Variants in CD164 observed in about 807,000 individuals in gnomAD.
CD164 encodes the protein sialomucin core protein 24.
A neutral mutation model predicts 24.6 loss-of-function variants in CD164; 11 were observed. That is an observed-to-expected ratio of 0.45 (90% CI 0.28 to 0.74). The LOEUF is 0.74. Among genes scored for constraint, CD164 ranks in the 30% least tolerant of loss-of-function variants. The pLI, the probability that CD164 is intolerant of heterozygous loss-of-function variation, is 0.13. For missense variants in CD164, 295 were observed against 243.7 expected (o/e 1.21, Z -1.40); for synonymous variants, 126 against 100.3 (o/e 1.26, Z -1.53).
chr6:109,381,821 C>G (rs1231220103), intron 1 of CD164: 38 of 554,150 alleles, frequency 6.9e-5, no homozygotes, highest in Non-Finnish European at 1.1e-4. Flanking sequence ...CACCGCCAAC[C>G]TCAGAGGCGC....
chr6:109,377,660 A>G (rs2115164077), intron 3 of CD164, among the ~76,000 whole-genome samples: 1 of 148,514 alleles, frequency 6.7e-6, no homozygotes, highest in Non-Finnish European at 1.5e-5. Context: ...AAAAAAAAAA[A>G]GTGTGGGGGC....
At chr6:109,379,756 A>C in intron 1 of CD164, 94 bp from the exon 2 acceptor site, 2 of 858,226 alleles carry the variant, frequency 2.3e-6, no homozygotes, top group South Asian at 1.6e-5. Context: ...AATAAGCATT[A>C]CATACAGCAT....
chr6:109,373,548 A>AC (rs1347707582), intron 4 of CD164, among the ~76,000 whole-genome samples: 1 of 152,190 alleles, frequency 6.6e-6, no homozygotes, highest in African/African-American at 2.4e-5. Context: ...ATGGCAATTC[A>AC]CAGGAGGACC....
chr6:109,379,500 C>G (rs1771611017), intron 2 of CD164, 79 bp downstream of exon 2: 8 of 1,054,776 alleles, frequency 7.6e-6, no homozygotes, highest in Non-Finnish European at 1.1e-5. Flanking sequence ...AAATGTCCTA[C>G]ATAACTTTCA....
At chr6:109,376,012 A>G (rs1348604248) in intron 4 of CD164, 62 bp downstream of exon 4, 8 of 1,218,340 alleles carry the variant, frequency 6.6e-6, no homozygotes, top group Non-Finnish European at 9.3e-6. Context: ...ATTTAAAACT[A>G]ATCCATCAAG....
intron 3 of CD164, among the ~76,000 whole-genome samples, chr6:109,377,579 G>A (rs1019363414): frequency 1.3e-5 from 2 of 151,440 alleles, no homozygotes; most frequent in Non-Finnish European, 2.9e-5. Context: ...GTGCCAGAAT[G>A]AGGTTTCCCA....
At chr6:109,372,315 A>G (rs1771125195) in intron 4 of CD164, 1 of 152,196 alleles carries the variant, frequency 6.6e-6, no homozygotes, top group Non-Finnish European at 1.5e-5. Context: ...TGCTAAAAGT[A>G]GATCTTTAAA....
chr6:109,378,037 G>A lies in CD164; in HGVS notation c.260-66C>T, dbSNP rs1582486498. 5 of 1,305,636 alleles carry A rather than the reference G, an allele frequency of 3.8e-6. No individual in the cohort carries two copies. The East Asian group carries it at 1.2e-4, about 30-fold the overall frequency. The allele number at this position is 1,305,636 out of a possible 1,614,324, so 80.9% of individuals were successfully genotyped here. ...ACCCATTTGTATTATCTTTGACTCTGCTACTAAGCTCTATGAAATCAAACC... is the reference window on the plus strand; with the variant it reads ...ACCCATTTGTATTATCTTTGACTCTACTACTAAGCTCTATGAAATCAAACC... On this transcript the variant is annotated intron_variant, in intron 2 of 5. Coordinates refer to ENST00000310786, the MANE Select transcript of CD164 (RefSeq NM_006016.6).
In CD164 at chr6:109,368,527, G is replaced by A; in HGVS notation, c.*324C>T. 1 of 1,353,282 alleles carries A rather than the reference G, an allele frequency of 7.4e-7. No homozygotes were observed. Among genetic ancestry groups the A allele is most frequent in the South Asian group, 2.0e-5 (1 of 50,154 alleles). The allele number at this position is 1,353,282 out of a possible 1,614,324, so 83.8% of individuals were successfully genotyped here. On this transcript the variant is annotated 3_prime_UTR_variant, in exon 6 of 6. Transcript: ENST00000310786. ...TTAAACTGCCAAGAGCCATGATGTT[G>A]TCTGCACAAGACAACATTTTCCATC...
rs372858791 is a variant in CD164 at position 109,382,037 on chromosome 6, C to A, written c.175+167G>T. 58 of 512,420 alleles carry A rather than the reference C, an allele frequency of 1.1e-4. No homozygotes were observed. In the East Asian group the frequency reaches 2.2e-3, roughly 20 times the overall value. The allele number at this position is 512,420 out of a possible 1,614,324, so 31.7% of individuals were successfully genotyped here. A position where few individuals can be genotyped will look rare whatever the true frequency, so the allele number is the denominator to read the frequency against. On this transcript the variant is annotated intron_variant, in intron 1 of 5. Transcript: ENST00000310786. ...GCGCGCTCCCCACCCGGCCCGGCCA[C>A]GAGTGGACTCCAGGCTGGCCGCCAT...
intron 1 of CD164, 83 bp from the exon 2 acceptor site, chr6:109,379,745 C>G: frequency 9.8e-7 from 1 of 1,017,004 alleles, no homozygotes; most frequent in Non-Finnish European, 1.5e-6. Flanking sequence ...TCTTTTTGAA[C>G]AATAAGCATT....
At chr6:109,377,319 AATT>A (rs1336028119) in intron 3 of CD164, among the ~76,000 whole-genome samples, 1 of 152,168 alleles carries the variant, frequency 6.6e-6, no homozygotes, top group Non-Finnish European at 1.5e-5. Context: ...TTTCCTATTC[AATT>A]ATTATCTATG....
chr6:109,382,124 G>A lies in CD164; in HGVS notation c.175+80C>T, dbSNP rs4313033. The A allele has an allele frequency of 0.053, 66,528 of 1,245,258 alleles. 1,941 individuals are homozygous for A. The highest frequency in any genetic ancestry group is 0.098 in the South Asian group (4,167 of 42,642). 77.1% of individuals were successfully genotyped at this position (1,245,258 alleles called of 1,614,324 possible). On this transcript the variant is annotated intron_variant, in intron 1 of 5. Transcript: ENST00000310786. ...GCCCGCCCGACCGTGGCCCGAACCC[G>A]GGCCCCGCCCGCACGGCGAGGAGGC... is the stretch of plus-strand genomic sequence containing the variant.
chr6:109,377,808 T>C, intron 3 of CD164, 92 bp downstream of exon 3: 1 of 871,322 alleles, frequency 1.1e-6, no homozygotes, highest in South Asian at 1.4e-5. Flanking sequence ...ATGGCAATGC[T>C]TCAAACAAAG....
rs933009290 is a variant in CD164 at position 109,368,169 on chromosome 6, T to C, written c.*682A>G. 64 of 1,027,888 alleles carry C rather than the reference T, an allele frequency of 6.2e-5. No individual in the cohort carries two copies. The highest frequency in any genetic ancestry group is 8.6e-5 in the Non-Finnish European group (62 of 722,196). The allele number at this position is 1,027,888 out of a possible 1,614,324, so 63.7% of individuals were successfully genotyped here. On this transcript the variant is annotated 3_prime_UTR_variant, in exon 6 of 6. Transcript: ENST00000310786. ...AAAGAACAAATCATAGACATTAAGC[T>C]AGAGCTTACCTTTCACTGTCTTCTA...
intron 2 of CD164, among the ~76,000 whole-genome samples, 187 bp downstream of exon 2, chr6:109,379,392 G>A (rs1284030224): frequency 6.6e-6 from 1 of 152,192 alleles, no homozygotes; most frequent in Non-Finnish European, 1.5e-5. Context: ...AATCTAAAGG[G>A]AGGATGGGAG....
At chr6:109,373,553 A>G (rs1771216924) in intron 4 of CD164, among the ~76,000 whole-genome samples, 1 of 152,342 alleles carries the variant, frequency 6.6e-6, no homozygotes, top group Non-Finnish European at 1.5e-5. Context: ...AATTCACAGG[A>G]GGACCCAGGG....
intron 2 of CD164, among the ~76,000 whole-genome samples, chr6:109,379,374 T>A (rs1771604861): frequency 1.3e-5 from 2 of 152,092 alleles, no homozygotes; most frequent in Admixed American, 1.3e-4. Flanking sequence ...AATTATCAAG[T>A]CTTAAGGAAT....
In CD164 at chr6:109,367,387, C is replaced by T. The variant is rs1223672111; in HGVS notation, c.*1464G>A. ...AAAATATTGAAAATCAAGTGCGAAA[C>T]TCAGCCACTATTGGCTAAAGAAACT... On this transcript the variant is annotated 3_prime_UTR_variant, in exon 6 of 6. Transcript: ENST00000310786. 1 of 152,378 alleles carries T rather than the reference C, an allele frequency of 6.6e-6. No homozygotes were observed. Among genetic ancestry groups the T allele is most frequent in the Non-Finnish European group, 1.5e-5 (1 of 67,998 alleles). The allele number at this position is 152,378 out of a possible 1,614,324, so 9.4% of individuals were successfully genotyped here. A position where few individuals can be genotyped will look rare whatever the true frequency, so the allele number is the denominator to read the frequency against.
Sources: allele counts gnomAD v4.1 joint callset (sites outside exome capture counted in the v4.1 genomes callset), GRCh38; gene constraint gnomAD v4.1.1; transcripts MANE v1.5; gene names NCBI Gene and HGNC (gene_info 2026-07-23, HGNC 2026-07-21).